PNISR: variants seen among roughly 807,000 people sequenced by gnomAD.
The protein encoded by PNISR is arginine/serine-rich protein PNISR.
PNISR carries 20 observed loss-of-function variants against 93.4 expected under a neutral mutation model. That is an observed-to-expected ratio of 0.21 (90% CI 0.15 to 0.31). PNISR has a LOEUF of 0.31. Ranked by LOEUF, PNISR falls within the 10% of genes least tolerant of loss-of-function variation. PNISR has a pLI of 1.00. For synonymous variants in PNISR, 305 were observed against 306.5 expected, an observed-to-expected ratio of 0.99 and a Z score of 0.05; for missense variants, 893 against 985.4, an observed-to-expected ratio of 0.91 and a Z score of 1.25.
At position 99,400,529 on chromosome 6, in the gene PNISR, T is replaced by C. The variant is rs567299336; in HGVS notation, c.*11A>G. 15 of 1,586,980 alleles carry C rather than the reference T, an allele frequency of 9.5e-6. No individual in the cohort carries two copies. In the South Asian group the frequency reaches 1.5e-4, roughly 16 times the overall value. On this transcript the variant is annotated 3_prime_UTR_variant, in exon 12 of 12. Coordinates refer to ENST00000369239, the MANE Select transcript of PNISR (RefSeq NM_032870.4). ...TTTTTAAAAATCAGACAAAATACTT[T>C]AAAAAGTATACTACCTTGATCGGGA...
At chr6:99,422,760 G>A (rs1204857653) in intron 1 of PNISR, among the ~76,000 whole-genome samples, 1 of 151,978 alleles carries the variant, frequency 6.6e-6, no homozygotes, top group African/African-American at 2.4e-5. Context: ...TGTAGTCCCA[G>A]CTACTTAGCA....
intron 1 of PNISR, among the ~76,000 whole-genome samples, chr6:99,419,190 AGG>A (rs138898398): frequency 7.7e-5 from 4 of 51,932 alleles, no homozygotes; most frequent in African/African-American, 1.9e-4. Flanking sequence ...AAAAAAAAAA[AGG>A]GCAATTTACC....
chr6:99,406,879 C>T (rs555813181), intron 7 of PNISR, among the ~76,000 whole-genome samples: 1 of 152,202 alleles, frequency 6.6e-6, no homozygotes, highest in Non-Finnish European at 1.5e-5. Flanking sequence ...CACCTAAATA[C>T]TACTGTGGAA....
Position 99,401,047 on chromosome 6 carries a change from T to A in PNISR, c.1911A>T (p.Arg637=), listed in dbSNP as rs750401034. Residue 637 remains arginine, a synonymous_variant, in exon 12 of 12, where the codon CGA becomes CGT. Coordinates refer to ENST00000369239, the MANE Select transcript of PNISR (RefSeq NM_032870.4). ...GTTGATCATCAATTTTACGCCTATCTCGACTCCTACTGCGACTGGCACGAT... is the reference window on the plus strand; with the variant it reads ...GTTGATCATCAATTTTACGCCTATCACGACTCCTACTGCGACTGGCACGAT... ...RTNRASRSRS[R]DRRKIDDQRG... 3.1e-6 allele frequency: 5 copies of A among 1,613,784 alleles called. No individual in the cohort carries two copies. Among genetic ancestry groups the A allele is most frequent in the Non-Finnish European group, 4.2e-6 (5 of 1,179,976 alleles).
At chr6:99,416,043 A>G (rs1777649629) in intron 2 of PNISR, 1 of 186,348 alleles carries the variant, frequency 5.4e-6, no homozygotes, top group African/African-American at 2.3e-5. Context: ...AAGTTACACT[A>G]ATGTAATCAA....
chr6:99,404,741 T>C (rs748784218), intron 8 of PNISR, 39 bp from the exon 9 acceptor site: 28 of 956,952 alleles, frequency 2.9e-5, no homozygotes, highest in Non-Finnish European at 4.5e-5. Context: ...CTAATTATTA[T>C]AGCTACTAAT....
At chr6:99,413,777 T>C (rs1209046381) in intron 3 of PNISR, among the ~76,000 whole-genome samples, 1 of 41,202 alleles carries the variant, frequency 2.4e-5, no homozygotes, top group African/African-American at 6.1e-5. Context: ...TAATGAAGAT[T>C]AAATAGGTAT....
At chr6:99,411,587 T>G (rs779421104) in intron 4 of PNISR, 5 of 151,928 alleles carry the variant, frequency 3.3e-5, no homozygotes, top group African/African-American at 9.7e-5. Context: ...AATATTTATG[T>G]TTTTAAAAGT....
rs72928686 is a variant in PNISR at position 99,405,986 on chromosome 6, A to C, written c.1002+45T>G. 10,401 of 1,424,206 alleles carry C rather than the reference A, an allele frequency of 7.3e-3. 48 individuals carry two copies. The highest frequency in any genetic ancestry group is 9.3e-3 in the Non-Finnish European group (9,736 of 1,048,552). The allele number at this position is 1,424,206 out of a possible 1,614,324, so 88.2% of individuals were successfully genotyped here. ...TAATATTGTCTCCAAAAAAAATTGC[A>C]AACGAAATAAATCCATGTACATAGT... On this transcript the variant is annotated intron_variant, in intron 8 of 11. Coordinates refer to ENST00000369239, the MANE Select transcript of PNISR (RefSeq NM_032870.4).
chr6:99,414,235 C>A (rs1325883170), intron 3 of PNISR, among the ~76,000 whole-genome samples: 1 of 152,170 alleles, frequency 6.6e-6, no homozygotes, highest in Non-Finnish European at 1.5e-5. Flanking sequence ...CCATCCAGTT[C>A]AATATAATAT....
chr6:99,419,655 T>G (rs1778279979), intron 1 of PNISR, among the ~76,000 whole-genome samples: 1 of 152,224 alleles, frequency 6.6e-6, no homozygotes, highest in African/African-American at 2.4e-5. Context: ...TTGTGTAATT[T>G]GTACTGCCTG....
chr6:99,409,666 C>G (rs1433775774), intron 5 of PNISR: 1 of 189,208 alleles, frequency 5.3e-6, no homozygotes, highest in African/African-American at 2.4e-5. Context: ...ACTAATTTCT[C>G]TTTAACTAGA....
chr6:99,402,066 A>G (rs1775577399), intron 11 of PNISR, among the ~76,000 whole-genome samples: 1 of 152,180 alleles, frequency 6.6e-6, no homozygotes. Context: ...TGTCCAACTA[A>G]AGCAAAATTT....
intron 6 of PNISR, 44 bp downstream of exon 6, chr6:99,409,129 A>C (rs1456710593): frequency 2.0e-6 from 3 of 1,491,076 alleles, no homozygotes; most frequent in East Asian, 2.3e-5. Flanking sequence ...TATGATAAAA[A>C]AGTCATGCCA....
intron 3 of PNISR, among the ~76,000 whole-genome samples, chr6:99,413,344 C>T (rs1358097471): frequency 6.6e-6 from 1 of 152,144 alleles, no homozygotes; most frequent in East Asian, 1.9e-4. Context: ...ATCTTGAAGA[C>T]TCTCTTCCCA....
At chr6:99,423,315 C>A (rs543339340) in intron 1 of PNISR, among the ~76,000 whole-genome samples, 3 of 152,108 alleles carry the variant, frequency 2.0e-5, no homozygotes, top group Non-Finnish European at 4.4e-5. Flanking sequence ...ATAAAATAAA[C>A]TAACAAATAA....
In PNISR at chr6:99,398,170, T is replaced by G. The variant is rs1775082796; in HGVS notation, c.*2370A>C. ...TTTACCCCCACTCCACAAAAACAAT[T>G]ATGACTAATACACTAGAAATATTTT... On this transcript the variant is annotated 3_prime_UTR_variant, in exon 12 of 12. Transcript: ENST00000369239. 1 of 152,128 alleles carries G rather than the reference T, an allele frequency of 6.6e-6. No individual in the cohort carries two copies. The highest frequency in any genetic ancestry group is 6.6e-5 in the Admixed American group (1 of 15,264). The allele number at this position is 152,128 out of a possible 1,614,324, so 9.4% of individuals were successfully genotyped here.
chr6:99,404,166 C>T (rs938686261), intron 9 of PNISR: 1 of 411,426 alleles, frequency 2.4e-6, no homozygotes, highest in Non-Finnish European at 4.3e-6. Flanking sequence ...GTTTTCAATA[C>T]ATTTTTAAGG....
rs1244823130 is a variant in PNISR, at chr6:99,400,809, T to C, written c.2149A>G (p.Ser717Gly). ...QDDRLKRKRE[S>G]ERTFSRSGSI... ...CCACTCCTAGAAAATGTTCTTTCAC[T>C]TTCTCGTTTCCTTTTTAATCTATCA... is the stretch of plus-strand genomic sequence containing the variant. Residue 717 changes from serine (S) to glycine (G), a missense_variant, in exon 12 of 12, where the codon AGT (serine) becomes GGT (glycine). Ser to Gly is a moderately conservative substitution (Grantham distance 56). Transcript: ENST00000369239. 2.2e-5 allele frequency: 36 copies of C among 1,612,316 alleles called. No homozygotes were observed. Among genetic ancestry groups the C allele is most frequent in the Non-Finnish European group, 2.9e-5 (34 of 1,178,982 alleles).
Sources: gnomAD v4.1 joint callset for allele counts (sites outside exome capture counted in the v4.1 genomes callset) on GRCh38, gnomAD v4.1.1 for gene constraint, MANE v1.5 for transcripts, NCBI Gene and HGNC (gene_info 2026-07-23, HGNC 2026-07-21) for gene names.